Variants in ATXN2 observed in about 807,000 individuals in gnomAD.
The protein encoded by ATXN2 is ataxin-2.
Under a neutral mutation model 138.6 loss-of-function variants are expected in ATXN2, and 37 were observed. That is an observed-to-expected ratio of 0.27 (90% CI 0.21 to 0.35). The LOEUF is 0.35. Among genes scored for constraint, ATXN2 ranks in the 10% least tolerant of loss-of-function variants. ATXN2 has a pLI of 1.00. For missense variants in ATXN2, 1,216 were observed against 1,480.3 expected (o/e 0.82, Z 2.93); for synonymous variants, 549 against 543.7 (o/e 1.01, Z -0.13).
chr12:111,576,132 T>C (rs1423649254), intron 1 of ATXN2, among the ~76,000 whole-genome samples: 1 of 138,488 alleles, frequency 7.2e-6, no homozygotes, highest in Non-Finnish European at 1.6e-5. Context: ...TAACATAACA[T>C]AACATCACAC....
Position 111,550,078 on chromosome 12 carries a change from A to G in ATXN2, c.571+2202T>C, listed in dbSNP as rs567266096. On this transcript the variant is annotated intron_variant, in intron 5 of 24. Coordinates refer to ENST00000673436, the MANE Select transcript of ATXN2 (RefSeq NM_001372574.1). ...CTCCGTCTCCAAAAAAAAAAAAAAA[A>G]AGAGAGAGAAAAGAAAAAATAAGAT... Among the ~76,000 whole-genome samples the G allele has an allele frequency of 7.6e-4, 115 of 151,480 alleles. 3 individuals are homozygous for G. The highest frequency in any genetic ancestry group is 1.5e-3 in the East Asian group (8 of 5,166).
intron 15 of ATXN2, among the ~76,000 whole-genome samples, chr12:111,487,373 A>G (rs1275172424): frequency 1.3e-5 from 2 of 152,044 alleles, no homozygotes; most frequent in Non-Finnish European, 2.9e-5. Context: ...ACGCCTGGCC[A>G]ATCAACAAAC....
rs1398525042 is a variant in ATXN2, at chr12:111,598,616, C to T, written c.251+168G>A. ...ACAATCCCAGAGGACCCCGGCTGCG[C>T]CCACCGGCCGAGCCTCGGGGCTCAG... On this transcript the variant is annotated intron_variant, in intron 1 of 24. Coordinates refer to ENST00000673436, the MANE Select transcript of ATXN2 (RefSeq NM_001372574.1). This position sits in a 1 kb window ranked among gnomAD's most constrained non-coding sequence, Gnocchi z 4.5. 15 of 961,492 alleles carry T rather than the reference C, an allele frequency of 1.6e-5. No homozygotes were observed. The highest frequency in any genetic ancestry group is 1.9e-5 in the Non-Finnish European group (15 of 807,192). The allele number at this position is 961,492 out of a possible 1,614,324, so 59.6% of individuals were successfully genotyped here.
chr12:111,470,708 A>G lies in ATXN2; in HGVS notation c.2559T>C (p.His853=). ...CTGGGTGCATCATGGCACTCTGATG[A>G]TGCTGGTCTTGCCGCTGTTGGGGCA... ...PNMPQQRQDQ[H]HQSAMMHPAS... is the part of the protein sequence containing the mutation. The change falls in exon 19 of 25, where the codon CAT becomes CAC. Residue 853 remains histidine (H), a synonymous_variant. Transcript: ENST00000673436. The G allele has an allele frequency of 6.2e-7, 1 of 1,614,102 alleles. No individual in the cohort carries two copies. Among genetic ancestry groups the G allele is most frequent in the Non-Finnish European group, 8.5e-7 (1 of 1,180,012 alleles).
intron 5 of ATXN2, among the ~76,000 whole-genome samples, chr12:111,533,707 A>G (rs927831080): frequency 2.6e-5 from 4 of 152,066 alleles, no homozygotes; most frequent in African/African-American, 9.7e-5. Context: ...TTGTACTTAT[A>G]GTAGAGCTAG....
chr12:111,598,716 G>A lies in ATXN2; in HGVS notation c.251+68C>T, dbSNP rs529631269. ...GCCCGGCGGGTCACGGGGCGGGGAC[G>A]GCGGCGCGGGCCGCGGGGGAGGGGA... On this transcript the variant is annotated intron_variant, in intron 1 of 24. Transcript: ENST00000673436. This position sits in a 1 kb window ranked among gnomAD's most constrained non-coding sequence, Gnocchi z 4.5. The A allele has an allele frequency of 1.0e-4, 103 of 996,360 alleles. No individual in the cohort carries two copies. In the African/African-American group the frequency reaches 1.6e-3, roughly 16 times the overall value. 61.7% of individuals were successfully genotyped at this position (996,360 alleles called of 1,614,324 possible).
At chr12:111,498,122 AG>A in intron 14 of ATXN2, among the ~76,000 whole-genome samples, 1 of 152,280 alleles carries the variant, frequency 6.6e-6, no homozygotes, top group East Asian at 1.9e-4. Context: ...CATACTGAAA[AG>A]GGAAAAACTG....
chr12:111,585,001 TTTTCA>T (rs1884246461), intron 1 of ATXN2, among the ~76,000 whole-genome samples: 1 of 152,146 alleles, frequency 6.6e-6, no homozygotes, highest in African/African-American at 2.4e-5. Flanking sequence ...TTCTTATTCT[TTTTCA>T]TTTTTCTAAA....
chr12:111,496,944 G>A (rs1288405111), intron 14 of ATXN2, among the ~76,000 whole-genome samples: 1 of 151,258 alleles, frequency 6.6e-6, no homozygotes, highest in Non-Finnish European at 1.5e-5. Flanking sequence ...GTTTTGAAGA[G>A]ATAAACAAAA....
intron 1 of ATXN2, among the ~76,000 whole-genome samples, chr12:111,582,734 T>A (rs536240738): frequency 7.6e-4 from 115 of 152,304 alleles, no homozygotes; most frequent in African/African-American, 2.7e-3. Context: ...AGTGGCACCA[T>A]CTCCGCTCAC....
intron 1 of ATXN2, among the ~76,000 whole-genome samples, chr12:111,580,293 C>A (rs900595096): frequency 1.3e-5 from 2 of 151,712 alleles, no homozygotes; most frequent in Non-Finnish European, 1.5e-5. Flanking sequence ...CCAGCCTGGG[C>A]AACAGAGCAA....
At chr12:111,553,242 T>A (rs1207579853) in intron 3 of ATXN2, among the ~76,000 whole-genome samples, 1 of 152,128 alleles carries the variant, frequency 6.6e-6, no homozygotes, top group Admixed American at 6.5e-5. Context: ...CAAAATAATG[T>A]ACAAAAGACA....
intron 1 of ATXN2, among the ~76,000 whole-genome samples, chr12:111,578,420 T>C (rs138850891): frequency 6.6e-6 from 1 of 152,276 alleles, no homozygotes; most frequent in East Asian, 1.9e-4. Flanking sequence ...ACCTTTTCTA[T>C]GTTTAGATAT....
At chr12:111,595,315 G>A (rs1444977351) in intron 1 of ATXN2, among the ~76,000 whole-genome samples, 1 of 152,128 alleles carries the variant, frequency 6.6e-6, no homozygotes, top group Non-Finnish European at 1.5e-5. Context: ...ACAAAAAAGT[G>A]GAAACCCAAT....
chr12:111,534,084 A>G (rs1217870929), intron 5 of ATXN2, among the ~76,000 whole-genome samples: 1 of 151,780 alleles, frequency 6.6e-6, no homozygotes, highest in Non-Finnish European at 1.5e-5. Context: ...TTTAAAATAT[A>G]AAAACATAAA....
chr12:111,469,719 T>C (rs1023870681), intron 20 of ATXN2: 1 of 237,374 alleles, frequency 4.2e-6, no homozygotes, highest in African/African-American at 2.2e-5. Context: ...GATCAAGTAG[T>C]GAAGCAAAAT....
chr12:111,585,192 C>G (rs1258985021), intron 1 of ATXN2, among the ~76,000 whole-genome samples: 1 of 152,084 alleles, frequency 6.6e-6, no homozygotes, highest in African/African-American at 2.4e-5. Context: ...CCCTTAGGGC[C>G]TAAGATATAC....
At chr12:111,463,048 A>C (rs981244631) in intron 21 of ATXN2, among the ~76,000 whole-genome samples, 1 of 152,046 alleles carries the variant, frequency 6.6e-6, no homozygotes, top group Non-Finnish European at 1.5e-5. Flanking sequence ...ATACCAAGTC[A>C]TGGCATAATT....
intron 5 of ATXN2, among the ~76,000 whole-genome samples, chr12:111,545,451 C>G (rs1336787554): frequency 6.6e-6 from 1 of 151,318 alleles, no homozygotes; most frequent in Non-Finnish European, 1.5e-5. Context: ...CAAAAATTAG[C>G]CGGGCGTGGT....
Sources: gnomAD v4.1 joint callset for allele counts (sites outside exome capture counted in the v4.1 genomes callset) on GRCh38, gnomAD v4.1.1 for gene constraint, Gnocchi (gnomAD v3.1) non-coding constraint, MANE v1.5 for transcripts, NCBI Gene and HGNC (gene_info 2026-07-23, HGNC 2026-07-21) for gene names.